Variants in HSD17B13 observed in about 807,000 individuals in gnomAD.
The protein encoded by HSD17B13 is hydroxysteroid 17-beta dehydrogenase 13.
Under a neutral mutation model 31.1 loss-of-function variants are expected in HSD17B13, and 26 were observed. That is an observed-to-expected ratio of 0.84 (90% CI 0.61 to 1.16). The LOEUF (loss-of-function observed/expected upper bound fraction) is 1.16, where lower values mean the gene tolerates loss of function less well. Ranked by LOEUF, HSD17B13 falls within the 50% of genes most tolerant of loss-of-function variation. The pLI is 0.00. For synonymous variants in HSD17B13, 141 were observed against 133.7 expected, an observed-to-expected ratio of 1.05 and a Z score of -0.38; for missense variants, 374 against 366.5, an observed-to-expected ratio of 1.02 and a Z score of -0.17.
At position 87,308,932 on chromosome 4, in the gene HSD17B13, C is replaced by CA. The variant is rs57491954; in HGVS notation, c.812+1310dup. On this transcript the variant is annotated intron_variant, in intron 6 of 6. Transcript: ENST00000328546. ...GAAAATTAGAGGCCCAGGAATCTACCAAAAAAAAAAAAGCTTATCGAGTTT... is the reference window on the plus strand; with the variant it reads ...GAAAATTAGAGGCCCAGGAATCTACCAAAAAAAAAAAAAGCTTATCGAGTTT... Among the ~76,000 whole-genome samples, 424 of 127,024 alleles carry CA rather than the reference C, an allele frequency of 3.3e-3. 6 individuals carry two copies. The highest frequency in any genetic ancestry group is 0.011 in the African/African-American group (358 of 33,626). 83.3% of individuals were successfully genotyped at this position (127,024 alleles called of 152,430 possible).
At position 87,305,319 on chromosome 4, in the gene HSD17B13, A is replaced by C. The variant is rs770993711; in HGVS notation, c.813-11T>G. Reference sequence around the variant, plus strand: ...CGTTCAGGAAGAAACCTGTACAAAAAAGAAAAAAAAATTGAAAAATTTTCC... The same window carrying C: ...CGTTCAGGAAGAAACCTGTACAAAACAGAAAAAAAAATTGAAAAATTTTCC... On this transcript the variant is annotated splice_polypyrimidine_tract_variant and intron_variant, in intron 6 of 6. Transcript: ENST00000328546. The C allele has an allele frequency of 1.4e-5, 22 of 1,559,890 alleles. No individual in the cohort carries two copies. Among genetic ancestry groups the C allele is most frequent in the Non-Finnish European group, 1.6e-5 (19 of 1,158,440 alleles).
chr4:87,312,518 C>CTTTTT (rs747820120), intron 5 of HSD17B13, among the ~76,000 whole-genome samples: 5 of 71,596 alleles, frequency 7.0e-5, no homozygotes, highest in African/African-American at 1.2e-4. Context: ...ACCTTTAATT[C>CTTTTT]TTTTTTTTTT....
chr4:87,318,441 A>G lies in HSD17B13; in HGVS notation c.211-5T>C. On this transcript the variant is annotated splice_region_variant and splice_polypyrimidine_tract_variant and intron_variant, in intron 1 of 6. Transcript: ENST00000328546. ...TGCAGTTTCCTCCACACCGCGCTGT[A>G]ATTAGGAAGAAACAAATTCCGAAAA... 6.2e-7 allele frequency: 1 copy of G among 1,612,914 alleles called. No homozygotes were observed. The highest frequency in any genetic ancestry group is 8.5e-7 in the Non-Finnish European group (1 of 1,178,884).
At chr4:87,322,156 A>G (rs1411747922) in intron 1 of HSD17B13, among the ~76,000 whole-genome samples, 1 of 152,330 alleles carries the variant, frequency 6.6e-6, no homozygotes, top group African/African-American at 2.4e-5. Context: ...CCTTTTGACT[A>G]CGGACTGGCA....
intron 3 of HSD17B13, 152 bp downstream of exon 3, chr4:87,316,940 C>T (rs755626153): frequency 1.8e-4 from 130 of 715,282 alleles, no homozygotes; most frequent in Non-Finnish European, 2.7e-4. Context: ...GTCAGAGACT[C>T]TGTGGCTCTT....
intron 1 of HSD17B13, among the ~76,000 whole-genome samples, chr4:87,321,789 A>G (rs1734793348): frequency 6.6e-6 from 1 of 152,256 alleles, no homozygotes. Flanking sequence ...AGCAAAGAAC[A>G]TGAGAAAGTA....
chr4:87,322,685 T>C lies in HSD17B13; in HGVS notation c.157A>G (p.Thr53Ala), dbSNP rs2110106061. 6.2e-7 allele frequency: 1 copy of C among 1,614,160 alleles called. No individual in the cohort carries two copies. Reference protein sequence around the residue: ...GAGHGIGRQTTYEFAKRQSIL... With the variant: ...GAGHGIGRQTAYEFAKRQSIL... ...CTCTGTCGTTTTGCAAATTCATAAGTAGTCTGCCTGCCTATTCCATGCCCA... is the reference window on the plus strand; with the variant it reads ...CTCTGTCGTTTTGCAAATTCATAAGCAGTCTGCCTGCCTATTCCATGCCCA... The change falls in exon 1 of 7, where the codon ACT (threonine) becomes GCT (alanine). Residue 53 changes from threonine (T) to alanine (A), a missense_variant. Physicochemically the swap from Thr to Ala is moderately conservative, Grantham distance 58 (BLOSUM62 0). Coordinates refer to ENST00000328546, the MANE Select transcript of HSD17B13 (RefSeq NM_178135.5).
chr4:87,308,454 C>G (rs1734439879), intron 6 of HSD17B13, among the ~76,000 whole-genome samples: 1 of 118,928 alleles, frequency 8.4e-6, no homozygotes, highest in African/African-American at 3.0e-5. Flanking sequence ...TCGAGACCAT[C>G]CTGGCTAACA....
At chr4:87,321,420 C>T (rs1027197044) in intron 1 of HSD17B13, among the ~76,000 whole-genome samples, 2 of 152,270 alleles carry the variant, frequency 1.3e-5, no homozygotes, top group Admixed American at 6.5e-5. Context: ...ATAAATATAG[C>T]CCTTTCCCCA....
At chr4:87,313,695 T>A in intron 5 of HSD17B13, 128 bp downstream of exon 5, 1 of 726,356 alleles carries the variant, frequency 1.4e-6, no homozygotes, top group Non-Finnish European at 2.2e-6. Context: ...AAGATAATAA[T>A]AATAATAAGA....
intron 1 of HSD17B13, among the ~76,000 whole-genome samples, chr4:87,320,299 C>T (rs1374388698): frequency 6.6e-6 from 1 of 151,904 alleles, no homozygotes; most frequent in Non-Finnish European, 1.5e-5. Context: ...ACCATACTCT[C>T]TCATTTGTTT....
At chr4:87,306,820 T>C (rs1734399515) in intron 6 of HSD17B13, among the ~76,000 whole-genome samples, 1 of 146,086 alleles carries the variant, frequency 6.8e-6, no homozygotes, top group South Asian at 2.1e-4. Flanking sequence ...GGCAGGAGAA[T>C]TGCTTGAACT....
chr4:87,307,136 G>T (rs1264475047), intron 6 of HSD17B13, among the ~76,000 whole-genome samples: 3 of 151,856 alleles, frequency 2.0e-5, no homozygotes, highest in Non-Finnish European at 2.9e-5. Flanking sequence ...GCTCATGTGG[G>T]CCTTTTAACT....
At chr4:87,306,220 CT>C (rs1231303987) in intron 6 of HSD17B13, among the ~76,000 whole-genome samples, 2 of 152,164 alleles carry the variant, frequency 1.3e-5, no homozygotes, top group African/African-American at 4.8e-5. Context: ...TACCACTCTT[CT>C]CACTCTCTTA....
chr4:87,321,578 T>C (rs1734787920), intron 1 of HSD17B13, among the ~76,000 whole-genome samples: 1 of 152,152 alleles, frequency 6.6e-6, no homozygotes, highest in Non-Finnish European at 1.5e-5. Context: ...TTCCAGAAAG[T>C]TCATTCGAAT....
chr4:87,312,726 T>C (rs1287082662), intron 5 of HSD17B13, among the ~76,000 whole-genome samples: 1 of 149,626 alleles, frequency 6.7e-6, no homozygotes, highest in Admixed American at 6.7e-5. Flanking sequence ...AGAGACGGGG[T>C]TTCACTGTGT....
rs893354684 is a variant in HSD17B13, at chr4:87,308,485, TAAAAAAAAAAAAAAAAAA to T, written c.812+1740_812+1757del. Among the ~76,000 whole-genome samples, 41 of 33,212 alleles carry T rather than the reference TAAAAAAAAAAAAAAAAAA, an allele frequency of 1.2e-3. 1 individual carries two copies. The South Asian group carries it at 0.025, about 20-fold the overall frequency. The allele number at this position is 33,212 out of a possible 152,430, so 21.8% of individuals were successfully genotyped here. ...TAACAGGGTGAAACCCCGTCTCTAC[TAAAAAAAAAAAAAAAAAA>T]AAAAAAAAAAAAAAAAAAAAAAAAA... is the stretch of plus-strand genomic sequence containing the variant. On this transcript the variant is annotated intron_variant, in intron 6 of 6. Coordinates refer to ENST00000328546, the MANE Select transcript of HSD17B13 (RefSeq NM_178135.5).
intron 4 of HSD17B13, among the ~76,000 whole-genome samples, chr4:87,315,087 T>C (rs1207713174): frequency 6.6e-6 from 1 of 152,150 alleles, no homozygotes; most frequent in African/African-American, 2.4e-5. Flanking sequence ...TTCCTAGAAC[T>C]AAATCAAATG....
At chr4:87,308,705 A>T (rs989382948) in intron 6 of HSD17B13, among the ~76,000 whole-genome samples, 5 of 149,776 alleles carry the variant, frequency 3.3e-5, no homozygotes, top group Admixed American at 6.7e-5. Flanking sequence ...AAAATAAATA[A>T]ATAAATAAAT....
Sources: gnomAD v4.1 joint callset for allele counts (sites outside exome capture counted in the v4.1 genomes callset) on GRCh38, gnomAD v4.1.1 for gene constraint, MANE v1.5 for transcripts, NCBI Gene and HGNC (gene_info 2026-07-23, HGNC 2026-07-21) for gene names.